Variants in ADAM12 observed in about 807,000 individuals in gnomAD.
The protein encoded by ADAM12 is disintegrin and metalloproteinase domain-containing protein 12.
ADAM12 carries 70 observed loss-of-function variants against 106.4 expected under a neutral mutation model. The ratio of observed to expected loss-of-function variants is 0.66; its 90% confidence interval spans 0.54 to 0.80. The LOEUF (loss-of-function observed/expected upper bound fraction) is 0.80, where lower values mean the gene tolerates loss of function less well. Among genes scored for constraint, ADAM12 ranks in the 30% least tolerant of loss-of-function variants. The pLI is 0.00. For missense variants in ADAM12, 1,010 were observed against 1,171.9 expected, an observed-to-expected ratio of 0.86 and a Z score of 2.02; for synonymous variants, 420 against 433.5, an observed-to-expected ratio of 0.97 and a Z score of 0.39.
intron 2 of ADAM12, among the ~76,000 whole-genome samples, chr10:126,324,947 C>A (rs1421655690): frequency 6.6e-6 from 1 of 151,632 alleles, no homozygotes; most frequent in East Asian, 1.9e-4. Flanking sequence ...AGTGGGAACT[C>A]CACGTGTGGT....
At chr10:126,249,366 G>A (rs1438236960) in intron 3 of ADAM12, among the ~76,000 whole-genome samples, 1 of 152,156 alleles carries the variant, frequency 6.6e-6, no homozygotes, top group Non-Finnish European at 1.5e-5. Flanking sequence ...TGTCTGTGAG[G>A]GGAAGCAGAC....
At chr10:126,239,752 A>G (rs147527016) in intron 3 of ADAM12, among the ~76,000 whole-genome samples, 17 of 152,330 alleles carry the variant, frequency 1.1e-4, no homozygotes, top group African/African-American at 3.8e-4. Flanking sequence ...AAATCTTGTG[A>G]GGTTGAAAGA....
In ADAM12 at chr10:126,049,183, T is replaced by A; in HGVS notation, c.1917+70A>T. 1 of 1,582,376 alleles carries A rather than the reference T, an allele frequency of 6.3e-7. No individual in the cohort carries two copies. Among genetic ancestry groups the A allele is most frequent in the Non-Finnish European group, 8.6e-7 (1 of 1,158,484 alleles). ...AAAACCAACAAACCTTGTAACCCAG[T>A]TCTTGCTGTTTTTCAATGGGCCCTG... On this transcript the variant is annotated intron_variant, in intron 16 of 22. Transcript: ENST00000448723. The surrounding 1 kb of genome is among the most constrained non-coding windows in gnomAD (Gnocchi z 4.4).
At position 126,049,525 on chromosome 10, in the gene ADAM12, G is replaced by C; in HGVS notation, c.1718+36C>G. On this transcript the variant is annotated intron_variant, in intron 15 of 22. Transcript: ENST00000448723. The surrounding 1 kb of genome is among the most constrained non-coding windows in gnomAD (Gnocchi z 4.4). ...AACCCTATGCAATGTGGGAAGGTCA[G>C]AGCAAAGACTTTGCCAGGATGTCTG... The C allele has an allele frequency of 6.2e-7, 1 of 1,613,762 alleles. No individual in the cohort carries two copies. Among genetic ancestry groups the C allele is most frequent in the Non-Finnish European group, 8.5e-7 (1 of 1,179,642 alleles).
At chr10:126,324,226 G>C (rs1005204299) in intron 2 of ADAM12, among the ~76,000 whole-genome samples, 3 of 152,240 alleles carry the variant, frequency 2.0e-5, no homozygotes, top group Non-Finnish European at 4.4e-5. Context: ...GGAGGCCAGG[G>C]GTTCAGGATG....
intron 5 of ADAM12, among the ~76,000 whole-genome samples, chr10:126,134,641 A>C (rs1956371165): frequency 6.6e-6 from 1 of 152,242 alleles, no homozygotes; most frequent in Admixed American, 6.5e-5. Context: ...CTGGAGTAGA[A>C]GTGAGGGCAG....
At chr10:126,256,436 G>A (rs897780976) in intron 3 of ADAM12, among the ~76,000 whole-genome samples, 1 of 152,236 alleles carries the variant, frequency 6.6e-6, no homozygotes, top group Admixed American at 6.5e-5. Flanking sequence ...CTGTAAAATG[G>A]GTGACGTGGC....
At chr10:126,100,690 G>C (rs1314773688) in intron 9 of ADAM12, among the ~76,000 whole-genome samples, 1 of 151,978 alleles carries the variant, frequency 6.6e-6, no homozygotes, top group Non-Finnish European at 1.5e-5. Flanking sequence ...ACTCCAGCCT[G>C]GTGACAGAGA....
intron 5 of ADAM12, among the ~76,000 whole-genome samples, chr10:126,127,770 T>C (rs577138470): frequency 9.9e-5 from 15 of 152,220 alleles, no homozygotes; most frequent in African/African-American, 3.4e-4. Flanking sequence ...CTGAGCCAGA[T>C]GGTGAGGAGA....
chr10:126,325,794 G>C (rs1854280779), intron 2 of ADAM12, among the ~76,000 whole-genome samples: 1 of 152,112 alleles, frequency 6.6e-6, no homozygotes, highest in African/African-American at 2.4e-5. Context: ...TAAACTTTCA[G>C]TGTCACCTTA....
At chr10:126,141,313 T>C (rs1013177117) in intron 4 of ADAM12, among the ~76,000 whole-genome samples, 2 of 152,220 alleles carry the variant, frequency 1.3e-5, no homozygotes, top group African/African-American at 2.4e-5. Context: ...TCCTCACCCT[T>C]ATGTCTCTAA....
chr10:126,115,591 A>G (rs975070567), intron 6 of ADAM12, among the ~76,000 whole-genome samples: 8 of 152,228 alleles, frequency 5.3e-5, no homozygotes, highest in African/African-American at 1.9e-4. Context: ...GTGCAGATTT[A>G]TTCCTGATGC....
chr10:126,043,121 A>C lies in ADAM12; in HGVS notation c.2023T>G (p.Cys675Gly), dbSNP rs1461703332. ...GVCNNRKNCH[C>G]EAHWAPPFCD... ...AAGGGAGGTGCCCAGTGGGCCTCGCAGTGGCAGTTCTTCCTGTTGTTGCAC... is the reference window on the plus strand; with the variant it reads ...AAGGGAGGTGCCCAGTGGGCCTCGCCGTGGCAGTTCTTCCTGTTGTTGCAC... Residue 675 changes from cysteine (C) to glycine (G), a missense_variant, in exon 18 of 23, where the codon TGC becomes GGC. By Grantham distance (159) the Cys-to-Gly change is radical (BLOSUM62 -3). Around this residue, in one of 3 missense-constraint regions of ADAM12, gnomAD observed 615 missense variants for 708.5 expected, o/e 0.87. Transcript: ENST00000448723. This position sits in a 1 kb window ranked among gnomAD's most constrained non-coding sequence, Gnocchi z 4.1. 6.2e-7 allele frequency: 1 copy of C among 1,614,134 alleles called. No individual in the cohort carries two copies. The highest frequency in any genetic ancestry group is 8.5e-7 in the Non-Finnish European group (1 of 1,180,008).
chr10:126,087,796 C>A (rs971521260), intron 11 of ADAM12, among the ~76,000 whole-genome samples: 1 of 152,112 alleles, frequency 6.6e-6, no homozygotes, highest in Non-Finnish European at 1.5e-5. Flanking sequence ...ATTCCTACCA[C>A]TTCCAAAGCC....
rs971609079 is a variant in ADAM12, at chr10:126,053,344, T to C, written c.1610-3675A>G. On this transcript the variant is annotated intron_variant, in intron 14 of 22. Transcript: ENST00000448723. This position sits in a 1 kb window ranked among gnomAD's most constrained non-coding sequence, Gnocchi z 4.6. ...AGACTAATACAGGGTGTGCTTATGA[T>C]TGTAATGCCCCAAATGCTGGTGGAG... Among the ~76,000 whole-genome samples the C allele has an allele frequency of 1.3e-5, 2 of 152,304 alleles. No homozygotes were observed. Among genetic ancestry groups the C allele is most frequent in the Middle Eastern group, 3.4e-3 (1 of 294 alleles).
In ADAM12 at chr10:126,027,813, C is replaced by A. The variant is rs184141039; in HGVS notation, c.2530-7988G>T. ...AAAACCAGCACAAGATGCCCTCTCT[C>A]ACCACTCCTAGTCAACATAGTATTG... is the stretch of plus-strand genomic sequence containing the variant. On this transcript the variant is annotated intron_variant, in intron 21 of 22. Coordinates refer to ENST00000448723, the MANE Select transcript of ADAM12 (RefSeq NM_001288973.2). Among the ~76,000 whole-genome samples the A allele has an allele frequency of 7.9e-5, 12 of 152,290 alleles. No individual in the cohort carries two copies. In the East Asian group the frequency reaches 2.3e-3, roughly 29 times the overall value.
chr10:126,168,317 T>C (rs1429804838), intron 3 of ADAM12, among the ~76,000 whole-genome samples: 1 of 144,880 alleles, frequency 6.9e-6, no homozygotes, highest in Non-Finnish European at 1.5e-5. Context: ...ATAGCAACAG[T>C]GGAAGAACAA....
chr10:126,120,800 T>C (rs890755584), intron 5 of ADAM12, among the ~76,000 whole-genome samples: 1 of 149,674 alleles, frequency 6.7e-6, no homozygotes, highest in Non-Finnish European at 1.5e-5. Flanking sequence ...TTGCAGATTA[T>C]TTTAGCAAAT....
At chr10:126,232,689 T>C (rs899081575) in intron 3 of ADAM12, among the ~76,000 whole-genome samples, 1 of 152,206 alleles carries the variant, frequency 6.6e-6, no homozygotes, top group Non-Finnish European at 1.5e-5. Context: ...TTCTCTTAGA[T>C]ATCCAATAAA....
Sources: gnomAD v4.1 joint callset for allele counts (sites outside exome capture counted in the v4.1 genomes callset) on GRCh38, gnomAD v4.1.1 for gene constraint, gnomAD v4.1.1 regional missense constraint, Gnocchi (gnomAD v3.1) non-coding constraint, MANE v1.5 for transcripts, NCBI Gene and HGNC (gene_info 2026-07-23, HGNC 2026-07-21) for gene names.